Variants in PRR5L observed in about 807,000 individuals in gnomAD.
PRR5L encodes proline-rich protein 5-like.
Under a neutral mutation model 36.4 loss-of-function variants are expected in PRR5L, and 21 were observed. The ratio of observed to expected loss-of-function variants is 0.58; its 90% CI spans 0.41 to 0.83. PRR5L has a LOEUF of 0.83. Ranked by LOEUF, PRR5L falls within the 40% of genes least tolerant of loss-of-function variation. The pLI is 0.00. For missense variants in PRR5L, 381 were observed against 473.3 expected (o/e 0.80, Z 1.81); for synonymous variants, 188 against 197.0 (o/e 0.95, Z 0.38).
intron 1 of PRR5L, among the ~76,000 whole-genome samples, chr11:36,337,270 G>A (rs1211564424): frequency 1.3e-5 from 2 of 152,138 alleles, no homozygotes; most frequent in Non-Finnish European, 2.9e-5. Flanking sequence ...TCCTGAATGG[G>A]ATTAGTGCTC....
intron 1 of PRR5L, among the ~76,000 whole-genome samples, chr11:36,341,227 T>G (rs994554099): frequency 2.0e-5 from 3 of 152,026 alleles, no homozygotes; most frequent in African/African-American, 7.2e-5. Flanking sequence ...AGAGATTAAT[T>G]TGGGGGCAGG....
At position 36,379,012 on chromosome 11, in the gene PRR5L, T is replaced by G. The variant is rs555645901; in HGVS notation, c.-125-21985T>G. 2.0e-5 allele frequency among the ~76,000 whole-genome samples: 3 copies of G among 152,346 alleles called. No homozygotes were observed. In the South Asian group the frequency reaches 6.2e-4, roughly 32 times the overall value. On this transcript the variant is annotated intron_variant, in intron 1 of 8. Transcript: ENST00000530639. The stretch of plus-strand genomic sequence containing the variant: ...TATAGTTGATTAGATGGATGGCTTT[T>G]TATTTATTTTCAAAATTTCACAGAA...
intron 4 of PRR5L, among the ~76,000 whole-genome samples, chr11:36,430,532 A>G (rs948804766): frequency 1.3e-5 from 2 of 152,202 alleles, no homozygotes; most frequent in African/African-American, 2.4e-5. Flanking sequence ...AGTACCTTTG[A>G]TAAAATGTTC....
At chr11:36,445,891 G>A (rs1356789396) in intron 6 of PRR5L, among the ~76,000 whole-genome samples, 2 of 152,078 alleles carry the variant, frequency 1.3e-5, no homozygotes, top group African/African-American at 4.8e-5. Context: ...GAGGTCCTGT[G>A]TTTTCCTTCT....
At chr11:36,398,606 G>C (rs1348778686) in intron 1 of PRR5L, 1 of 152,270 alleles carries the variant, frequency 6.6e-6, no homozygotes, top group East Asian at 1.9e-4. Flanking sequence ...AACTCGTTGT[G>C]TGTGACTGTG....
At chr11:36,362,501 C>T (rs543653974) in intron 1 of PRR5L, among the ~76,000 whole-genome samples, 1 of 152,092 alleles carries the variant, frequency 6.6e-6, no homozygotes, top group South Asian at 2.1e-4. Flanking sequence ...AGTATCTTTA[C>T]CCCAGGAACA....
intron 1 of PRR5L, among the ~76,000 whole-genome samples, chr11:36,369,243 G>A (rs1300399791): frequency 1.3e-5 from 2 of 152,216 alleles, no homozygotes; most frequent in African/African-American, 2.4e-5. Context: ...AGTGCAGAGA[G>A]TGATGCTGAG....
At chr11:36,416,705 C>T (rs1260312540) in intron 3 of PRR5L, among the ~76,000 whole-genome samples, 1 of 152,128 alleles carries the variant, frequency 6.6e-6, no homozygotes, top group African/African-American at 2.4e-5. Flanking sequence ...TTTTCTCTTC[C>T]TGGGACACTC....
In PRR5L at chr11:36,464,710, G is replaced by A. The variant is rs1859260424; in HGVS notation, c.*1974G>A. ...CCAGGCAAAGTAATTAATTAATCAT[G>A]CTTGGGCTTACTTTTTCAGTTTGTA... is the stretch of plus-strand genomic sequence containing the variant. On this transcript the variant is annotated 3_prime_UTR_variant, in exon 9 of 9. Coordinates refer to ENST00000530639, the MANE Select transcript of PRR5L (RefSeq NM_001160167.2). 1 of 148,594 alleles carries A rather than the reference G, an allele frequency of 6.7e-6. No homozygotes were observed. The highest frequency in any genetic ancestry group is 2.4e-5 in the African/African-American group (1 of 41,192). 9.2% of individuals were successfully genotyped at this position (148,594 alleles called of 1,614,324 possible). A position where few individuals can be genotyped will look rare whatever the true frequency, so the allele number is the denominator to read the frequency against.
intron 5 of PRR5L, 105 bp from the exon 6 acceptor site, chr11:36,437,280 T>C (rs934331223): frequency 2.8e-5 from 23 of 832,788 alleles, no homozygotes; most frequent in Non-Finnish European, 4.6e-5. Flanking sequence ...TTTTTTAGCA[T>C]GTGCAGCTTG....
intron 3 of PRR5L, among the ~76,000 whole-genome samples, chr11:36,415,664 A>G (rs1858125876): frequency 6.6e-6 from 1 of 152,240 alleles, no homozygotes; most frequent in Non-Finnish European, 1.5e-5. Flanking sequence ...GAATTGCTTG[A>G]GCCCGGGAGG....
chr11:36,334,597 T>C (rs1437214012), intron 1 of PRR5L, among the ~76,000 whole-genome samples: 1 of 152,246 alleles, frequency 6.6e-6, no homozygotes, highest in Non-Finnish European at 1.5e-5. Flanking sequence ...CTCTTTATCC[T>C]TTGGCTTTTG....
chr11:36,376,221 G>A, intron 1 of PRR5L: 1 of 1,286,776 alleles, frequency 7.8e-7, no homozygotes, highest in Non-Finnish European at 1.0e-6. Flanking sequence ...AGGGGAGGAG[G>A]AGTGAGATGG....
intron 1 of PRR5L, among the ~76,000 whole-genome samples, chr11:36,305,593 A>G (rs1856421967): frequency 6.6e-6 from 1 of 152,180 alleles, no homozygotes. Flanking sequence ...AAACCGAATT[A>G]CTAATGTGAT....
At chr11:36,374,305 G>A (rs1462365200) in intron 1 of PRR5L, among the ~76,000 whole-genome samples, 7 of 151,972 alleles carry the variant, frequency 4.6e-5, no homozygotes, top group African/African-American at 1.7e-4. Context: ...ATGTTGGCCA[G>A]GCTGGTCTTG....
intron 4 of PRR5L, among the ~76,000 whole-genome samples, chr11:36,429,473 G>C (rs1255892826): frequency 6.6e-6 from 1 of 152,138 alleles, no homozygotes; most frequent in Non-Finnish European, 1.5e-5. Flanking sequence ...ACCTGGACTA[G>C]GTTTTCATTT....
chr11:36,358,641 C>G (rs147609271), intron 1 of PRR5L, among the ~76,000 whole-genome samples: 9 of 152,274 alleles, frequency 5.9e-5, no homozygotes, highest in Non-Finnish European at 1.2e-4. Context: ...TGGTCTGGAA[C>G]CAAACCTGCA....
intron 1 of PRR5L, among the ~76,000 whole-genome samples, chr11:36,347,910 A>G (rs1856884001): frequency 6.6e-6 from 1 of 152,044 alleles, no homozygotes; most frequent in Admixed American, 6.5e-5. Flanking sequence ...AACCCTGGAA[A>G]AGTTTCTGAA....
intron 1 of PRR5L, among the ~76,000 whole-genome samples, chr11:36,374,389 G>A (rs529285326): frequency 4.6e-5 from 7 of 151,822 alleles, no homozygotes; most frequent in Admixed American, 1.3e-4. Flanking sequence ...CACCACACCC[G>A]GCCAAAATTT....
Sources: allele counts gnomAD v4.1 joint callset (sites outside exome capture counted in the v4.1 genomes callset), GRCh38; gene constraint gnomAD v4.1.1; transcripts MANE v1.5; gene names NCBI Gene and HGNC (gene_info 2026-07-23, HGNC 2026-07-21).